GREB1L: variants seen among roughly 807,000 people sequenced by gnomAD.
The protein encoded by GREB1L is GREB1 like retinoic acid receptor coactivator, also known as GREB1-like protein.
A neutral mutation model predicts 200.8 loss-of-function variants in GREB1L; 17 were observed. The ratio of observed to expected loss-of-function variants is 0.08; its 90% CI spans 0.06 to 0.13. The LOEUF (loss-of-function observed/expected upper bound fraction) is 0.13. Among genes scored for constraint, GREB1L ranks in the 10% least tolerant of loss-of-function variants. The pLI, the probability that GREB1L is intolerant of heterozygous loss-of-function variation, is 1.00. For synonymous variants in GREB1L, 789 were observed against 893.0 expected (o/e 0.88, Z 2.08); for missense variants, 1,657 against 2,367.7 (o/e 0.70, Z 6.23).
intron 1 of GREB1L, among the ~76,000 whole-genome samples, chr18:21,269,599 C>T (rs1319731891): frequency 6.6e-6 from 1 of 151,780 alleles, no homozygotes; most frequent in African/African-American, 2.4e-5. Context: ...TTAATTAAAA[C>T]AAGACATGAG....
chr18:21,366,865 G>T (rs887875382), intron 2 of GREB1L, among the ~76,000 whole-genome samples: 4 of 152,056 alleles, frequency 2.6e-5, no homozygotes, highest in African/African-American at 9.7e-5. Flanking sequence ...ACTTCAGCCT[G>T]GTCCCTGTTT....
chr18:21,397,569 G>A (rs1295690282), intron 5 of GREB1L, among the ~76,000 whole-genome samples: 1 of 147,208 alleles, frequency 6.8e-6, no homozygotes, highest in African/African-American at 2.5e-5. Context: ...GCTGGGCGTG[G>A]TGGCGCTTGT....
At position 21,491,160 on chromosome 18, in the gene GREB1L, A is replaced by C. The variant is rs181982672; in HGVS notation, c.3030+809A>C. 2.6e-4 allele frequency among the ~76,000 whole-genome samples: 40 copies of C among 152,232 alleles called. No individual in the cohort carries two copies. The East Asian group carries it at 7.7e-3, about 29-fold the overall frequency. ...AAAGCATTTAATCAAATATCCACCT[A>C]CATGTCGGTATGGAACTGAGCTAGC... On this transcript the variant is annotated intron_variant, in intron 19 of 32. Transcript: ENST00000424526.
intron 27 of GREB1L, among the ~76,000 whole-genome samples, chr18:21,509,931 G>A (rs1253141970): frequency 6.6e-6 from 1 of 152,094 alleles, no homozygotes; most frequent in Non-Finnish European, 1.5e-5. Flanking sequence ...CCATGGCCGG[G>A]TGCGGTAGCT....
intron 8 of GREB1L, 36 bp downstream of exon 8, chr18:21,439,673 C>T (rs1267241800): frequency 7.8e-7 from 1 of 1,286,056 alleles, no homozygotes; most frequent in South Asian, 1.3e-5. Context: ...TAATAATGCA[C>T]TTACCAGTGG....
chr18:21,374,832 G>A (rs1346088168), intron 2 of GREB1L, among the ~76,000 whole-genome samples: 1 of 150,638 alleles, frequency 6.6e-6, no homozygotes, highest in African/African-American at 2.4e-5. Context: ...AATCAAAAGG[G>A]GAACTTTTTT....
At chr18:21,290,512 A>G (rs951411827) in intron 1 of GREB1L, among the ~76,000 whole-genome samples, 11 of 152,162 alleles carry the variant, frequency 7.2e-5, no homozygotes, top group Admixed American at 3.9e-4. Flanking sequence ...TTTTCCCCCC[A>G]AAACAAATCC....
intron 1 of GREB1L, among the ~76,000 whole-genome samples, chr18:21,252,528 G>C (rs1249117888): frequency 1.4e-5 from 2 of 138,750 alleles, no homozygotes; most frequent in Non-Finnish European, 3.0e-5. Context: ...TTGCACTCCA[G>C]CCTGGGCAAC....
chr18:21,394,906 C>G (rs1179449850), intron 4 of GREB1L, among the ~76,000 whole-genome samples: 2 of 139,522 alleles, frequency 1.4e-5, no homozygotes, highest in Admixed American at 1.5e-4. Context: ...CCAGCCTGGC[C>G]AACATGGGGA....
At chr18:21,338,486 T>C (rs1165709397) in intron 1 of GREB1L, among the ~76,000 whole-genome samples, 3 of 152,260 alleles carry the variant, frequency 2.0e-5, no homozygotes, top group Non-Finnish European at 4.4e-5. Context: ...ATCTGTTCTA[T>C]TCTTCCTTGC....
chr18:21,505,020 G>A (rs755907488), intron 23 of GREB1L, among the ~76,000 whole-genome samples: 10 of 152,128 alleles, frequency 6.6e-5, no homozygotes, highest in African/African-American at 9.7e-5. Flanking sequence ...TGTAACGTGC[G>A]GAAGACATTG....
chr18:21,309,247 G>A (rs1180137431), intron 1 of GREB1L, among the ~76,000 whole-genome samples: 1 of 152,200 alleles, frequency 6.6e-6, no homozygotes, highest in Non-Finnish European at 1.5e-5. Flanking sequence ...GTATCCACCA[G>A]AACCTTAGGC....
rs190564630 is a variant in GREB1L at position 21,383,640 on chromosome 18, A to C, written c.122A>C (p.Tyr41Ser). The change falls in exon 3 of 33, where the codon TAC (tyrosine) becomes TCC (serine). Residue 41 changes from tyrosine to serine, a missense_variant. Physicochemically the swap from Tyr to Ser is moderately radical, Grantham distance 144 (BLOSUM62 -2). Transcript: ENST00000424526. ...CCACGGCCAATTTTTTCCCAGCTAT[A>C]CCTGGACCCTGACCAGCATCCTTTC... ...VVPRPIFSQL[Y>S]LDPDQHPFSS... 6.4e-7 allele frequency: 1 copy of C among 1,551,492 alleles called. No individual in the cohort carries two copies. The highest frequency in any genetic ancestry group is 8.7e-7 in the Non-Finnish European group (1 of 1,146,860).
chr18:21,377,265 G>GA (rs74271353), intron 2 of GREB1L, among the ~76,000 whole-genome samples: 54 of 143,158 alleles, frequency 3.8e-4, no homozygotes, highest in Admixed American at 5.6e-4. Context: ...AGGTTGGAAG[G>GA]AAAAAAAAAA....
chr18:21,325,813 CAAAAAAAAAAA>C (rs60239796), intron 1 of GREB1L, among the ~76,000 whole-genome samples: 17,115 of 41,904 alleles, frequency 0.41, 2,711 homozygotes, highest in African/African-American at 0.56. Flanking sequence ...GACCTTGTCT[CAAAAAAAAAAA>C]AAAAAAAAAA....
At chr18:21,453,093 C>T (rs532080106) in intron 14 of GREB1L, among the ~76,000 whole-genome samples, 1 of 152,326 alleles carries the variant, frequency 6.6e-6, no homozygotes, top group Admixed American at 6.5e-5. Flanking sequence ...ATTGTTAACA[C>T]ATTTAGAATT....
intron 4 of GREB1L, among the ~76,000 whole-genome samples, chr18:21,389,210 C>T (rs2040681374): frequency 6.6e-6 from 1 of 152,008 alleles, no homozygotes; most frequent in South Asian, 2.1e-4. Context: ...TAAATACCTA[C>T]ATTTATTTTA....
At chr18:21,336,741 C>T (rs1264239318) in intron 1 of GREB1L, among the ~76,000 whole-genome samples, 4 of 152,146 alleles carry the variant, frequency 2.6e-5, no homozygotes, top group Admixed American at 6.5e-5. Flanking sequence ...AGCCAGAGCA[C>T]GATGCTATAG....
intron 2 of GREB1L, among the ~76,000 whole-genome samples, chr18:21,375,552 T>C (rs1208163276): frequency 6.6e-6 from 1 of 152,176 alleles, no homozygotes; most frequent in Non-Finnish European, 1.5e-5. Flanking sequence ...TTTTTTTCTT[T>C]GGAGGTCAGC....
Sources: gnomAD v4.1 joint callset for allele counts (sites outside exome capture counted in the v4.1 genomes callset) on GRCh38, gnomAD v4.1.1 for gene constraint, MANE v1.5 for transcripts, NCBI Gene and HGNC (gene_info 2026-07-23, HGNC 2026-07-21) for gene names.